MICAL2: variants seen among roughly 807,000 people sequenced by gnomAD.
The protein encoded by MICAL2 is [F-actin]-monooxygenase MICAL2.
A neutral mutation model predicts 127.3 loss-of-function variants in MICAL2; 77 were observed. The ratio of observed to expected loss-of-function variants is 0.60; its 90% CI spans 0.50 to 0.73. MICAL2 has a LOEUF of 0.73. Ranked by LOEUF, MICAL2 falls within the 30% of genes least tolerant of loss-of-function variation. The pLI, the probability that MICAL2 is intolerant of heterozygous loss-of-function variation, is 0.00. For synonymous variants in MICAL2, 570 were observed against 551.1 expected (o/e 1.03, Z -0.48); for missense variants, 1,351 against 1,434.4 (o/e 0.94, Z 0.94).
At chr11:12,294,921 A>G (rs145024313), downstream of MICAL2, 708 of 1,394,998 alleles carry the variant, frequency 5.1e-4, 4 homozygotes, top group African/African-American at 9.1e-3. Flanking sequence ...TCTTCATTGC[A>G]TCGACAAGCA....
At chr11:12,314,257 TCTTG>T (rs1245364564) in intron 29 of MICAL2, among the ~76,000 whole-genome samples, 1 of 152,016 alleles carries the variant, frequency 6.6e-6, no homozygotes, top group Non-Finnish European at 1.5e-5. Context: ...TTTTCTCTTT[TCTTG>T]CTTTATTTTT....
At chr11:12,255,790 G>T (rs749249837) in intron 23 of MICAL2, 40 bp downstream of exon 23, 2 of 1,539,380 alleles carry the variant, frequency 1.3e-6, no homozygotes, top group South Asian at 1.2e-5. Flanking sequence ...ACAGACACTG[G>T]CTCTGGCATC....
At chr11:12,192,384 A>G (rs2134030749) in intron 3 of MICAL2, among the ~76,000 whole-genome samples, 1 of 152,332 alleles carries the variant, frequency 6.6e-6, no homozygotes, top group South Asian at 2.1e-4. Context: ...AACTGCCATC[A>G]GCCTTGAACT....
chr11:12,187,480 G>A (rs1175742902), intron 3 of MICAL2, among the ~76,000 whole-genome samples: 1 of 152,196 alleles, frequency 6.6e-6, no homozygotes, highest in East Asian at 1.9e-4. Flanking sequence ...GACTGAATGC[G>A]TCCAGACAGC....
chr11:12,202,037 A>T (rs1854078091), intron 3 of MICAL2, among the ~76,000 whole-genome samples: 2 of 152,120 alleles, frequency 1.3e-5, no homozygotes, highest in African/African-American at 4.8e-5. Flanking sequence ...CAGGAGAAGC[A>T]CTTGAACCCA....
chr11:12,272,926 G>A (rs1863688510), upstream of MICAL2, among the ~76,000 whole-genome samples: 1 of 152,198 alleles, frequency 6.6e-6, no homozygotes, highest in East Asian at 1.9e-4. Context: ...ACAGGTCAAA[G>A]CAAGCCTTGC....
At chr11:12,274,019 T>G (rs373063168), upstream of MICAL2, among the ~76,000 whole-genome samples, 228 of 151,718 alleles carry the variant, frequency 1.5e-3, 1 homozygote, top group African/African-American at 5.2e-3. Flanking sequence ...GAAGAAAGAG[T>G]AGGCTGGGGG....
chr11:12,154,401 AAAG>A (rs1317848018), intron 2 of MICAL2, among the ~76,000 whole-genome samples: 1 of 152,166 alleles, frequency 6.6e-6, no homozygotes, highest in Non-Finnish European at 1.5e-5. Context: ...ACAGTCAGGG[AAAG>A]AAGACTCCTG....
chr11:12,326,192 A>G (rs752798924), intron 31 of MICAL2, among the ~76,000 whole-genome samples: 40 of 152,168 alleles, frequency 2.6e-4, no homozygotes, highest in Non-Finnish European at 4.7e-4. Flanking sequence ...GGAGTGAGAC[A>G]GAGTAAAGTA....
chr11:12,223,782 T>A (rs955006968), intron 12 of MICAL2, among the ~76,000 whole-genome samples: 1 of 152,166 alleles, frequency 6.6e-6, no homozygotes, highest in African/African-American at 2.4e-5. Context: ...CACTGGGACT[T>A]GTTCTTATTT....
At chr11:12,293,351 G>T (rs534545041), downstream of MICAL2, among the ~76,000 whole-genome samples, 1 of 152,244 alleles carries the variant, frequency 6.6e-6, no homozygotes, top group South Asian at 2.1e-4. Context: ...TGATTCGGGG[G>T]TTCCAGGCAG....
intron 29 of MICAL2, among the ~76,000 whole-genome samples, chr11:12,314,599 C>A (rs1252146220): frequency 1.3e-5 from 2 of 151,292 alleles, no homozygotes; most frequent in Admixed American, 1.3e-4. Context: ...CTGCCTCAGC[C>A]TCCCGAGTAG....
intron 29 of MICAL2, among the ~76,000 whole-genome samples, chr11:12,318,233 G>A (rs1426113982): frequency 6.6e-6 from 1 of 152,142 alleles, no homozygotes; most frequent in African/African-American, 2.4e-5. Flanking sequence ...AACTCAAGGA[G>A]GTAAAATTAT....
Position 12,255,671 on chromosome 11 carries a change from T to TA in MICAL2, c.2877dup (p.Gly960ArgfsTer5). The TA allele has an allele frequency of 6.2e-7, 1 of 1,614,052 alleles. No individual in the cohort carries two copies. The highest frequency in any genetic ancestry group is 2.2e-5 in the East Asian group (1 of 44,864). On this transcript the variant is annotated frameshift_variant, in exon 23 of 28. Transcript: ENST00000683283. LOFTEE classifies it high-confidence loss of function. ...ACGGTAGGGAAAGTGTCCAGCGGAA[T>TA]AGGGGCTGCAGCTGAAGTCCTGGTC...
chr11:12,279,228 C>A (rs1252109438), intron 1 of MICAL2, among the ~76,000 whole-genome samples: 42 of 152,088 alleles, frequency 2.8e-4, no homozygotes, highest in Admixed American at 2.8e-3. Flanking sequence ...CTGGAGAGCC[C>A]AGTCGGATAT....
intron 2 of MICAL2, among the ~76,000 whole-genome samples, chr11:12,283,622 T>C (rs938893476): frequency 2.4e-4 from 37 of 152,264 alleles, no homozygotes; most frequent in East Asian, 3.9e-4. Context: ...GTTCTGGAGA[T>C]GGGTGGTGGT....
At chr11:12,360,899 A>G (rs893284213), downstream of MICAL2, among the ~76,000 whole-genome samples, 1 of 152,092 alleles carries the variant, frequency 6.6e-6, no homozygotes, top group Non-Finnish European at 1.5e-5. Flanking sequence ...AACATTTCCA[A>G]TGGACACAAA....
At chr11:12,353,647 C>T (rs557247618) in intron 33 of MICAL2, among the ~76,000 whole-genome samples, 4 of 152,066 alleles carry the variant, frequency 2.6e-5, no homozygotes, top group Non-Finnish European at 5.9e-5. Context: ...AATGGGGCAT[C>T]CCCTGGCATG....
intron 26 of MICAL2, chr11:12,260,886 A>C (rs1049017864): frequency 1.0e-6 from 1 of 985,350 alleles, no homozygotes; most frequent in African/African-American, 1.7e-5. Flanking sequence ...GTGGGGTTTC[A>C]ACAGATTCTA....
Sources: gnomAD v4.1 joint callset for allele counts (sites outside exome capture counted in the v4.1 genomes callset) on GRCh38, gnomAD v4.1.1 for gene constraint, MANE v1.5 for transcripts, NCBI Gene and HGNC (gene_info 2026-07-23, HGNC 2026-07-21) for gene names.